NKAIN2: variants seen among roughly 807,000 people sequenced by gnomAD.
NKAIN2 encodes the protein sodium/potassium transporting ATPase interacting 2.
NKAIN2 carries 14 observed loss-of-function variants against 32.6 expected under a neutral mutation model. The observed-to-expected ratio is 0.43, with a 90% confidence interval of 0.28 to 0.67. The LOEUF (loss-of-function observed/expected upper bound fraction) is 0.67, where lower values mean the gene tolerates loss of function less well. Among genes scored for constraint, NKAIN2 ranks in the 30% least tolerant of loss-of-function variants. The probability of loss-of-function intolerance (pLI) is 0.17; values close to 1 mark genes in which losing one functional copy is unlikely to be tolerated. For missense variants in NKAIN2, 198 were observed against 258.3 expected, an observed-to-expected ratio of 0.77 and a Z score of 1.60; for synonymous variants, 80 against 87.2, an observed-to-expected ratio of 0.92 and a Z score of 0.46.
chr6:123,857,303 C>T (rs781701379), intron 1 of NKAIN2, among the ~76,000 whole-genome samples: 4 of 151,038 alleles, frequency 2.6e-5, no homozygotes, highest in Non-Finnish European at 5.9e-5. Context: ...TTGGACAGTG[C>T]GACCAGGGGC....
At chr6:124,593,671 G>C (rs929355194) in intron 3 of NKAIN2, among the ~76,000 whole-genome samples, 4 of 152,168 alleles carry the variant, frequency 2.6e-5, no homozygotes, top group African/African-American at 7.2e-5. Context: ...AGGATTTTGA[G>C]TACCAGAGAG....
At chr6:124,626,003 T>G (rs1783318192) in intron 3 of NKAIN2, among the ~76,000 whole-genome samples, 1 of 151,830 alleles carries the variant, frequency 6.6e-6, no homozygotes, top group Admixed American at 6.6e-5. Flanking sequence ...GCAGGTTTGT[T>G]ACATATGTAT....
intron 3 of NKAIN2, among the ~76,000 whole-genome samples, chr6:124,438,067 T>C (rs1775536048): frequency 6.6e-6 from 1 of 152,068 alleles, no homozygotes; most frequent in Non-Finnish European, 1.5e-5. Flanking sequence ...CACATATGAT[T>C]ATCCAGTGAG....
intron 1 of NKAIN2, among the ~76,000 whole-genome samples, chr6:124,281,109 C>T (rs1231276316): frequency 2.0e-5 from 3 of 152,036 alleles, no homozygotes; most frequent in Non-Finnish European, 2.9e-5. Flanking sequence ...AGATATTTCC[C>T]ACTGTTAGAC....
intron 5 of NKAIN2, among the ~76,000 whole-genome samples, chr6:124,797,977 G>A (rs1201030859): frequency 6.6e-6 from 1 of 151,848 alleles, no homozygotes; most frequent in Non-Finnish European, 1.5e-5. Context: ...GGTATATTAT[G>A]TGCCTGCCTG....
chr6:124,740,333 GCT>G (rs1562357048), intron 4 of NKAIN2, among the ~76,000 whole-genome samples: 1 of 151,704 alleles, frequency 6.6e-6, no homozygotes, highest in Non-Finnish European at 1.5e-5. Flanking sequence ...TAAATGCCAA[GCT>G]CTGTTTGAGG....
intron 1 of NKAIN2, among the ~76,000 whole-genome samples, chr6:124,029,779 A>G (rs1385309733): frequency 6.6e-6 from 1 of 152,104 alleles, no homozygotes; most frequent in African/African-American, 2.4e-5. Flanking sequence ...GCGAAGCTTT[A>G]TCTGTATTTA....
intron 1 of NKAIN2, among the ~76,000 whole-genome samples, chr6:123,850,607 T>G (rs993015894): frequency 2.8e-4 from 43 of 152,310 alleles, no homozygotes; most frequent in Non-Finnish European, 5.1e-4. Context: ...AATTTTATTT[T>G]AAATGTAGTT....
Position 124,265,858 on chromosome 6 carries a change from G to A in NKAIN2, c.55-17147G>A, listed in dbSNP as rs181678882. 2.6e-5 allele frequency among the ~76,000 whole-genome samples: 4 copies of A among 152,330 alleles called. No individual in the cohort carries two copies. The East Asian group carries it at 5.8e-4, about 22-fold the overall frequency. ...CCCATGGACTTAGTGGAGCTCACCT[G>A]TAGCCAGGGGACTGGAGTCTGAGAC... On this transcript the variant is annotated intron_variant, in intron 1 of 6. Transcript: ENST00000368417.
At chr6:124,356,705 C>T (rs769304824) in intron 3 of NKAIN2, among the ~76,000 whole-genome samples, 11 of 152,184 alleles carry the variant, frequency 7.2e-5, no homozygotes, top group Non-Finnish European at 1.3e-4. Context: ...TTAAAACTCA[C>T]ATTCGCCTCA....
intron 4 of NKAIN2, among the ~76,000 whole-genome samples, chr6:124,671,413 A>C (rs969481034): frequency 2.0e-5 from 3 of 152,088 alleles, no homozygotes; most frequent in African/African-American, 7.2e-5. Flanking sequence ...TGCTACATCT[A>C]AGCTGTATAT....
chr6:124,331,346 A>AAAAAAAAG, intron 2 of NKAIN2, among the ~76,000 whole-genome samples: 1 of 19,110 alleles, frequency 5.2e-5, no homozygotes, highest in African/African-American at 2.0e-4. Flanking sequence ...CTAAATATAC[A>AAAAAAAAG]AAAAAAAAAA....
chr6:124,188,596 T>C (rs941341516), intron 1 of NKAIN2, among the ~76,000 whole-genome samples: 7 of 152,220 alleles, frequency 4.6e-5, no homozygotes, highest in Admixed American at 4.6e-4. Context: ...TCATGTGAAT[T>C]TGTATGTATT....
Position 124,823,207 on chromosome 6 carries a change from TTCTC to T in NKAIN2, c.618-6_618-3del. On this transcript the variant is annotated splice_polypyrimidine_tract_variant and intron_variant, in intron 6 of 6. Coordinates refer to ENST00000368417, the MANE Select transcript of NKAIN2 (RefSeq NM_001040214.3). The stretch of plus-strand genomic sequence containing the variant: ...TTTCCCCCTTGACTAAAAACATCTT[TTCTC>T]TCTCTCAGGTCAAAATAATACAGAT... 2 of 1,582,112 alleles carry T rather than the reference TTCTC, an allele frequency of 1.3e-6. No homozygotes were observed. The highest frequency in any genetic ancestry group is 1.7e-6 in the Non-Finnish European group (2 of 1,150,370).
intron 3 of NKAIN2, among the ~76,000 whole-genome samples, chr6:124,608,596 C>A (rs1030133496): frequency 2.0e-5 from 3 of 152,114 alleles, no homozygotes; most frequent in Admixed American, 2.0e-4. Context: ...GAACATGAGC[C>A]AAATCTCTAT....
chr6:123,888,804 A>G (rs964028619), intron 1 of NKAIN2, among the ~76,000 whole-genome samples: 26 of 152,090 alleles, frequency 1.7e-4, no homozygotes, highest in African/African-American at 5.6e-4. Context: ...AGTTTTAACT[A>G]TTTCTCTTAG....
intron 4 of NKAIN2, among the ~76,000 whole-genome samples, chr6:124,724,416 C>G (rs1776176419): frequency 6.6e-6 from 1 of 152,100 alleles, no homozygotes; most frequent in Non-Finnish European, 1.5e-5. Context: ...TCTTATTCAC[C>G]ATTCAGTGCT....
At chr6:124,006,014 C>T (rs746921622) in intron 1 of NKAIN2, among the ~76,000 whole-genome samples, 5 of 152,192 alleles carry the variant, frequency 3.3e-5, no homozygotes, top group Non-Finnish European at 7.4e-5. Flanking sequence ...CCTTACAGCA[C>T]AAAAAAGTTA....
chr6:124,039,412 ATG>A (rs1325342465), intron 1 of NKAIN2, among the ~76,000 whole-genome samples: 2 of 151,778 alleles, frequency 1.3e-5, no homozygotes, highest in African/African-American at 4.8e-5. Context: ...ATATATGTCT[ATG>A]TATTTATGTT....
Sources: allele counts gnomAD v4.1 joint callset (sites outside exome capture counted in the v4.1 genomes callset), GRCh38; gene constraint gnomAD v4.1.1; transcripts MANE v1.5; gene names NCBI Gene and HGNC (gene_info 2026-07-23, HGNC 2026-07-21).